The following SUPT6H variants were observed in gnomAD, a reference collection of about 807,000 sequenced individuals.
SUPT6H encodes the protein SPT6 homolog, histone chaperone and transcription elongation factor.
Under a neutral mutation model 222.3 loss-of-function variants are expected in SUPT6H, and 11 were observed. The ratio of observed to expected loss-of-function variants is 0.05; its 90% CI spans 0.03 to 0.08. The LOEUF is 0.08. SUPT6H is among the 10% of genes least tolerant of loss of function. The pLI is 1.00. For missense variants in SUPT6H, 1,422 were observed against 2,216.0 expected, an observed-to-expected ratio of 0.64 and a Z score of 7.19; for synonymous variants, 762 against 801.2, an observed-to-expected ratio of 0.95 and a Z score of 0.83.
chr17:28,682,942 C>T lies in SUPT6H; in HGVS notation c.1728C>T (p.Ser576=). The change falls in exon 15 of 37, where the codon AGC becomes AGT. Residue 576 remains serine (S), a splice_region_variant and synonymous_variant. Coordinates refer to ENST00000314616, the MANE Select transcript of SUPT6H (RefSeq NM_003170.5). Reference sequence around the variant, plus strand: ...TGTAGCTGCACCATTTTCCCCACAGCCAGTTCCCTACTCCAGAAGCTGTGC... The same window carrying T: ...TGTAGCTGCACCATTTTCCCCACAGTCAGTTCCCTACTCCAGAAGCTGTGC... ...PLELAKDYVC[S]QFPTPEAVLE... is the part of the protein sequence containing the mutation. 1 of 1,611,410 alleles carries T rather than the reference C, an allele frequency of 6.2e-7. No homozygotes were observed. The highest frequency in any genetic ancestry group is 1.3e-5 in the African/African-American group (1 of 74,962).
Position 28,665,758 on chromosome 17 carries a change from T to C in SUPT6H, c.-32+3416T>C, listed in dbSNP as rs2029976003. Reference sequence around the variant, plus strand: ...AAGCCTGGGCAATGGAGCGAGACTCTGTCTCAAAAAAACGTATATGTATAT... The same window carrying C: ...AAGCCTGGGCAATGGAGCGAGACTCCGTCTCAAAAAAACGTATATGTATAT... On this transcript the variant is annotated intron_variant, in intron 1 of 36. Coordinates refer to ENST00000314616, the MANE Select transcript of SUPT6H (RefSeq NM_003170.5). Among the ~76,000 whole-genome samples the C allele has an allele frequency of 1.3e-5, 2 of 151,962 alleles. 1 individual carries two copies. Among genetic ancestry groups the C allele is most frequent in the Admixed American group, 1.3e-4 (2 of 15,252 alleles).
At chr17:28,685,513 C>T (rs1009762217) in intron 19 of SUPT6H, among the ~76,000 whole-genome samples, 1 of 148,850 alleles carries the variant, frequency 6.7e-6, no homozygotes, top group Admixed American at 6.7e-5. Context: ...ATTATTGAAA[C>T]AGAGTCTTGC....
At chr17:28,687,524 G>T in intron 23 of SUPT6H, 53 bp downstream of exon 23, 2 of 1,568,002 alleles carry the variant, frequency 1.3e-6, no homozygotes, top group South Asian at 1.1e-5. Flanking sequence ...CATTGAATAT[G>T]AATATATACT....
intron 21 of SUPT6H, 40 bp downstream of exon 21, chr17:28,686,829 G>A (rs763040458): frequency 3.2e-6 from 5 of 1,555,002 alleles, no homozygotes; most frequent in Admixed American, 2.0e-5. Flanking sequence ...GCCCAGGCAA[G>A]TGCTATTAAT....
At chr17:28,686,938 C>T in intron 21 of SUPT6H, 149 bp downstream of exon 21, 2 of 1,477,454 alleles carry the variant, frequency 1.4e-6, no homozygotes, top group East Asian at 2.3e-5. Flanking sequence ...AGTTACGGTT[C>T]AGATTGGGAG....
At position 28,697,554 on chromosome 17, in the gene SUPT6H, G is replaced by A. The variant is rs1026796383; in HGVS notation, c.4210-66G>A. 8 of 1,362,200 alleles carry A rather than the reference G, an allele frequency of 5.9e-6. No individual in the cohort carries two copies. The African/African-American group carries it at 1.1e-4, about 19-fold the overall frequency. 84.4% of individuals were successfully genotyped at this position (1,362,200 alleles called of 1,614,324 possible). On this transcript the variant is annotated intron_variant, in intron 30 of 36. Transcript: ENST00000314616. ...CATCCCCTCCCATGGTTTTTCTTCT[G>A]GATGGATTTGATCAAGAATCTCAGC...
chr17:28,667,433 A>ATATATATATATG (rs1325898517), intron 1 of SUPT6H, among the ~76,000 whole-genome samples: 2 of 134,914 alleles, frequency 1.5e-5, no homozygotes, highest in African/African-American at 2.8e-5. Context: ...ATATATATAT[A>ATATATATATATG]TATGTATGTG....
chr17:28,666,627 C>T (rs1219167939), intron 1 of SUPT6H, among the ~76,000 whole-genome samples: 1 of 151,402 alleles, frequency 6.6e-6, no homozygotes, highest in East Asian at 1.9e-4. Flanking sequence ...TCTCGACTCA[C>T]TGCAAGCTCT....
At chr17:28,675,186 C>A (rs1171843396) in intron 5 of SUPT6H, 24 bp downstream of exon 5, 2 of 1,588,868 alleles carry the variant, frequency 1.3e-6, no homozygotes, top group Non-Finnish European at 1.7e-6. Context: ...GGCAGGGAAG[C>A]CAGTGTTTGG....
chr17:28,668,004 A>G (rs1019577536), intron 1 of SUPT6H, among the ~76,000 whole-genome samples: 2 of 151,982 alleles, frequency 1.3e-5, no homozygotes, highest in African/African-American at 2.4e-5. Context: ...TTAATTGCCT[A>G]CTACAACTTC....
At chr17:28,686,459 A>C (rs762929529) in intron 20 of SUPT6H, 44 bp downstream of exon 20, 63 of 1,597,414 alleles carry the variant, frequency 3.9e-5, no homozygotes, top group Non-Finnish European at 5.2e-5. Context: ...CCGTGACCCA[A>C]CTCATCCCTT....
intron 19 of SUPT6H, among the ~76,000 whole-genome samples, chr17:28,685,611 G>A (rs1393174176): frequency 4.6e-5 from 7 of 151,922 alleles, no homozygotes; most frequent in Non-Finnish European, 1.0e-4. Flanking sequence ...TGCCTTCCAA[G>A]TAGCTGGGAC....
At chr17:28,670,233 C>T (rs1485736361) in intron 1 of SUPT6H, 1 of 152,252 alleles carries the variant, frequency 6.6e-6, no homozygotes, top group South Asian at 2.1e-4. Flanking sequence ...ATGACTACAT[C>T]TCTCTGAGTC....
chr17:28,700,308 C>A (rs2032080724), intron 34 of SUPT6H, 38 bp from the exon 35 acceptor site: 1 of 1,614,112 alleles, frequency 6.2e-7, no homozygotes, highest in Non-Finnish European at 8.5e-7. Flanking sequence ...GGGACTTTCA[C>A]CTCTAACATG....
intron 13 of SUPT6H, 80 bp downstream of exon 13, chr17:28,682,060 A>G: frequency 8.5e-7 from 1 of 1,182,682 alleles, no homozygotes; most frequent in African/African-American, 1.5e-5. Flanking sequence ...GGTAGGTAGG[A>G]AAAAGAAAGG....
chr17:28,700,610 G>A, intron 35 of SUPT6H, 98 bp downstream of exon 35: 1 of 1,459,518 alleles, frequency 6.9e-7, no homozygotes, highest in African/African-American at 1.4e-5. Flanking sequence ...AGATGGGGCT[G>A]CCACGGCCTT....
At chr17:28,674,142 G>A (rs1271448561) in intron 2 of SUPT6H, 141 bp from the exon 3 acceptor site, 1 of 945,630 alleles carries the variant, frequency 1.1e-6, no homozygotes, top group African/African-American at 1.7e-5. Flanking sequence ...GCTATGTTTT[G>A]CATCTTTACA....
intron 24 of SUPT6H, 67 bp from the exon 25 acceptor site, chr17:28,689,287 T>G: frequency 1.3e-6 from 2 of 1,485,128 alleles, no homozygotes; most frequent in Non-Finnish European, 1.9e-6. Flanking sequence ...TCCCCATTGG[T>G]GGACATTTGG....
Position 28,693,680 on chromosome 17 carries a change from C to T in SUPT6H, c.3634-16C>T, listed in dbSNP as rs1358441538. Reference sequence around the variant, plus strand: ...GAATATTGATAATCAAGCTCTTCTCCTCATGCCCTCTTCAGGTGTGGAACC... The same window carrying T: ...GAATATTGATAATCAAGCTCTTCTCTTCATGCCCTCTTCAGGTGTGGAACC... On this transcript the variant is annotated splice_polypyrimidine_tract_variant and intron_variant, in intron 27 of 36. Coordinates refer to ENST00000314616, the MANE Select transcript of SUPT6H (RefSeq NM_003170.5). The T allele has an allele frequency of 3.1e-6, 5 of 1,614,068 alleles. No homozygotes were observed. The highest frequency in any genetic ancestry group is 4.2e-6 in the Non-Finnish European group (5 of 1,180,032).
Sources: allele counts gnomAD v4.1 joint callset (sites outside exome capture counted in the v4.1 genomes callset), GRCh38; gene constraint gnomAD v4.1.1; transcripts MANE v1.5; gene names NCBI Gene and HGNC (gene_info 2026-07-23, HGNC 2026-07-21).